The following MGAT5 variants were observed in gnomAD, a reference collection of about 807,000 sequenced individuals.
MGAT5 encodes alpha-1,6-mannosylglycoprotein 6-beta-N-acetylglucosaminyltransferase A.
MGAT5 carries 30 observed loss-of-function variants against 94.3 expected under a neutral mutation model. That is an observed-to-expected ratio of 0.32 (90% CI 0.24 to 0.43). The LOEUF is 0.43. Ranked by LOEUF, MGAT5 falls within the 20% of genes least tolerant of loss-of-function variation. The probability of loss-of-function intolerance (pLI) is 1.00; values close to 1 mark genes in which losing one functional copy is unlikely to be tolerated. For synonymous variants in MGAT5, 310 were observed against 322.9 expected (o/e 0.96, Z 0.43); for missense variants, 691 against 905.5 (o/e 0.76, Z 3.04).
At chr2:134,370,273 A>C (rs1308861755) in intron 10 of MGAT5, among the ~76,000 whole-genome samples, 3 of 152,236 alleles carry the variant, frequency 2.0e-5, no homozygotes. Context: ...CATTTTTGTA[A>C]GTAGATTAAA....
At chr2:134,176,572 T>TAAAAAAAAAAAAAA (rs66689362) in intron 1 of MGAT5, among the ~76,000 whole-genome samples, 3 of 83,314 alleles carry the variant, frequency 3.6e-5, no homozygotes, top group African/African-American at 1.6e-4. Context: ...GACTCTGTCT[T>TAAAAAAAAAAAAAA]AAAAAAAAAA....
At chr2:134,429,995 C>T (rs1243490397) in intron 14 of MGAT5, among the ~76,000 whole-genome samples, 2 of 152,206 alleles carry the variant, frequency 1.3e-5, no homozygotes, top group Non-Finnish European at 2.9e-5. Context: ...CTACACCAAC[C>T]ATGCTTACCA....
intron 1 of MGAT5, among the ~76,000 whole-genome samples, chr2:134,126,974 T>TC (rs1246403045): frequency 6.6e-6 from 1 of 152,156 alleles, no homozygotes; most frequent in Non-Finnish European, 1.5e-5. Context: ...AATGACCGAT[T>TC]CTTTCTTGGA....
intron 9 of MGAT5, among the ~76,000 whole-genome samples, chr2:134,351,273 A>G (rs1385864650): frequency 6.6e-6 from 1 of 152,166 alleles, no homozygotes; most frequent in African/African-American, 2.4e-5. Flanking sequence ...TATGGTGAGG[A>G]TGCTCAGAGT....
chr2:134,362,768 C>T (rs1426722842), intron 10 of MGAT5, among the ~76,000 whole-genome samples: 1 of 152,222 alleles, frequency 6.6e-6, no homozygotes, highest in Admixed American at 6.5e-5. Flanking sequence ...CCAAGGGAGT[C>T]TTTCCCTCTG....
intron 1 of MGAT5, among the ~76,000 whole-genome samples, chr2:134,178,973 G>A (rs994326992): frequency 6.6e-6 from 1 of 152,150 alleles, no homozygotes; most frequent in Non-Finnish European, 1.5e-5. Flanking sequence ...GTGAATTTGT[G>A]TCCTCATTAA....
chr2:134,269,991 C>G (rs1196402418), intron 1 of MGAT5, among the ~76,000 whole-genome samples: 1 of 152,172 alleles, frequency 6.6e-6, no homozygotes, highest in Non-Finnish European at 1.5e-5. Flanking sequence ...CGAAAAATAA[C>G]AAACTTGATC....
Position 134,135,951 on chromosome 2 carries a change from C to G in MGAT5, c.-143+15660C>G, listed in dbSNP as rs570689591. ...TTAGGTTGTCACATGAGTTTCATAACTGCACAAGGTTTCAGGGAAACCTGT... is the reference window on the plus strand; with the variant it reads ...TTAGGTTGTCACATGAGTTTCATAAGTGCACAAGGTTTCAGGGAAACCTGT... On this transcript the variant is annotated intron_variant, in intron 1 of 16. Transcript: ENST00000409645. Among the ~76,000 whole-genome samples, 5 of 152,272 alleles carry G rather than the reference C, an allele frequency of 3.3e-5. No individual in the cohort carries two copies. In the East Asian group the frequency reaches 9.7e-4, roughly 29 times the overall value.
intron 1 of MGAT5, among the ~76,000 whole-genome samples, chr2:134,235,065 T>C (rs13426636): frequency 0.26 from 39,053 of 151,922 alleles, 5,441 homozygotes; most frequent in Non-Finnish European, 0.3. Flanking sequence ...TTCTGGCTTC[T>C]TTGGAAAATT....
chr2:134,217,063 G>T (rs1213046758), intron 1 of MGAT5, among the ~76,000 whole-genome samples: 2 of 152,174 alleles, frequency 1.3e-5, no homozygotes, highest in African/African-American at 4.8e-5. Flanking sequence ...GGTTGTTCCA[G>T]GAGGCTGGCA....
At chr2:134,122,120 T>A (rs973896160) in intron 1 of MGAT5, among the ~76,000 whole-genome samples, 2 of 151,810 alleles carry the variant, frequency 1.3e-5, no homozygotes, top group African/African-American at 4.8e-5. Flanking sequence ...TTTTTTTTTT[T>A]AAAGATGGAG....
intron 1 of MGAT5, among the ~76,000 whole-genome samples, chr2:134,143,145 G>A (rs749129773): frequency 1.1e-4 from 17 of 152,104 alleles, no homozygotes; most frequent in Admixed American, 2.0e-4. Flanking sequence ...AGGTGAACCC[G>A]CAGAGACAGG....
At chr2:134,367,401 C>T (rs1479979506) in intron 10 of MGAT5, among the ~76,000 whole-genome samples, 1 of 152,206 alleles carries the variant, frequency 6.6e-6, no homozygotes, top group Non-Finnish European at 1.5e-5. Context: ...AGACTGTGGA[C>T]CAAATCTAGC....
chr2:134,198,152 CCTT>C (rs1231359524), intron 1 of MGAT5, among the ~76,000 whole-genome samples: 3 of 152,104 alleles, frequency 2.0e-5, no homozygotes, highest in Admixed American at 1.3e-4. Flanking sequence ...TAGCAATAGT[CCTT>C]CTTCTTCTGG....
intron 1 of MGAT5, among the ~76,000 whole-genome samples, chr2:134,257,836 C>CCTTTTTTTT (rs781189819): frequency 0.048 from 5,078 of 106,056 alleles, 649 homozygotes; most frequent in Middle Eastern, 0.17. Context: ...TTTGCAGTCT[C>CCTTTTTTTT]TTTTTTTTTT....
chr2:134,316,383 T>C (rs1686999331), intron 2 of MGAT5, among the ~76,000 whole-genome samples: 1 of 152,280 alleles, frequency 6.6e-6, no homozygotes, highest in Middle Eastern at 3.4e-3. Flanking sequence ...GCTGGCTCAC[T>C]CCTACTTTGT....
At chr2:134,145,210 C>CTGTGTGTG (rs1413599821) in intron 1 of MGAT5, among the ~76,000 whole-genome samples, 34 of 95,980 alleles carry the variant, frequency 3.5e-4, no homozygotes, top group African/African-American at 2.0e-3. Context: ...GTGTGTCTCT[C>CTGTGTGTG]TCTCTGTGTG....
chr2:134,267,079 C>G (rs555905406), intron 1 of MGAT5, among the ~76,000 whole-genome samples: 1 of 152,192 alleles, frequency 6.6e-6, no homozygotes, highest in South Asian at 2.1e-4. Flanking sequence ...ATGAGTGAGT[C>G]TTAAGAGTGA....
intron 15 of MGAT5, among the ~76,000 whole-genome samples, chr2:134,444,646 C>T (rs1460664712): frequency 6.6e-6 from 1 of 152,260 alleles, no homozygotes; most frequent in Non-Finnish European, 1.5e-5. Context: ...GCATCTCCAA[C>T]TTGGAGCCTG....
Sources: gnomAD v4.1 joint callset for allele counts (sites outside exome capture counted in the v4.1 genomes callset) on GRCh38, gnomAD v4.1.1 for gene constraint, MANE v1.5 for transcripts, NCBI Gene and HGNC (gene_info 2026-07-23, HGNC 2026-07-21) for gene names.